PSMD1: variants seen among roughly 807,000 people sequenced by gnomAD.
The protein encoded by PSMD1 is proteasome 26S subunit, non-ATPase 1, also known as 26S proteasome non-ATPase regulatory subunit 1.
In PSMD1, 18 loss-of-function variants were observed where a neutral mutation model predicts 119.0. The observed-to-expected ratio is 0.15, with a 90% confidence interval of 0.10 to 0.22. The LOEUF (loss-of-function observed/expected upper bound fraction) is 0.22, where lower values mean the gene tolerates loss of function less well. Ranked by LOEUF, PSMD1 falls within the 10% of genes least tolerant of loss-of-function variation. The pLI is 1.00. For synonymous variants in PSMD1, 374 were observed against 396.6 expected, an observed-to-expected ratio of 0.94 and a Z score of 0.68; for missense variants, 702 against 1,158.5, an observed-to-expected ratio of 0.61 and a Z score of 5.72.
At chr2:231,104,839 T>C (rs890735159) in intron 16 of PSMD1, among the ~76,000 whole-genome samples, 3 of 152,158 alleles carry the variant, frequency 2.0e-5, no homozygotes, top group Admixed American at 6.5e-5. Context: ...GTCTGTCCTA[T>C]ATCCTAAGAC....
Position 231,067,120 on chromosome 2 carries a change from A to C in PSMD1, c.510+9A>C, listed in dbSNP as rs1415213447. ...AGACCATACTGGAGTCGGTAGGTAG[A>C]TGATGTTATTTTAGAAATTATTGTT... On this transcript the variant is annotated intron_variant, in intron 5 of 24. Coordinates refer to ENST00000308696, the MANE Select transcript of PSMD1 (RefSeq NM_002807.4). 4 of 1,551,782 alleles carry C rather than the reference A, an allele frequency of 2.6e-6. No individual in the cohort carries two copies. Among genetic ancestry groups the C allele is most frequent in the Non-Finnish European group, 3.5e-6 (4 of 1,152,094 alleles).
intron 1 of PSMD1, among the ~76,000 whole-genome samples, chr2:231,057,490 A>G (rs1307632419): frequency 6.6e-6 from 1 of 152,190 alleles, no homozygotes; most frequent in African/African-American, 2.4e-5. Context: ...GTGTTTCTGG[A>G]CGTGGCCGAG....
intron 16 of PSMD1, among the ~76,000 whole-genome samples, chr2:231,116,337 A>G (rs868800894): frequency 1.6e-4 from 24 of 152,168 alleles, no homozygotes; most frequent in African/African-American, 5.5e-4. Context: ...TAGAGCTATA[A>G]TCAGAGATAT....
intron 17 of PSMD1, among the ~76,000 whole-genome samples, chr2:231,141,928 G>T (rs1046344417): frequency 2.6e-5 from 4 of 151,938 alleles, no homozygotes; most frequent in Non-Finnish European, 5.9e-5. Flanking sequence ...TGTCACCCAG[G>T]CTGGACTGCA....
intron 10 of PSMD1, 78 bp downstream of exon 10, chr2:231,078,825 T>TA: frequency 9.4e-7 from 1 of 1,065,856 alleles, no homozygotes; most frequent in Non-Finnish European, 1.3e-6. Flanking sequence ...TGTGCAGTCT[T>TA]ACTCTGTGGC....
At chr2:231,139,337 T>C (rs1204148868) in intron 17 of PSMD1, among the ~76,000 whole-genome samples, 1 of 111,690 alleles carries the variant, frequency 9.0e-6, no homozygotes, top group Admixed American at 8.5e-5. Flanking sequence ...TTTTTTTTTT[T>C]CTTTTGAGTC....
intron 16 of PSMD1, among the ~76,000 whole-genome samples, chr2:231,112,889 G>A (rs1418066460): frequency 2.6e-5 from 4 of 152,168 alleles, no homozygotes; most frequent in Non-Finnish European, 5.9e-5. Context: ...AAACACTTAA[G>A]TGCAGTGACT....
chr2:231,141,986 G>A (rs1696130834), intron 17 of PSMD1, among the ~76,000 whole-genome samples: 1 of 152,190 alleles, frequency 6.6e-6, no homozygotes, highest in South Asian at 2.1e-4. Context: ...GGGTTCAAAC[G>A]ATTCTCCTGC....
rs536161780 is a variant in PSMD1, at chr2:231,084,920, T to G, written c.1723-99T>G. 12 of 915,980 alleles carry G rather than the reference T, an allele frequency of 1.3e-5. No individual in the cohort carries two copies. The South Asian group carries it at 1.6e-4, about 12-fold the overall frequency. 56.7% of individuals were successfully genotyped at this position (915,980 alleles called of 1,614,324 possible). A position where few individuals can be genotyped will look rare whatever the true frequency, so the allele number is the denominator to read the frequency against. On this transcript the variant is annotated intron_variant, in intron 14 of 24. Transcript: ENST00000308696. ...GTTATTGAGCTCATCATTTCCTATC[T>G]GAGACCAGCTTACTTGGTGGATGCC...
intron 16 of PSMD1, among the ~76,000 whole-genome samples, chr2:231,137,570 C>A (rs1696004460): frequency 6.6e-6 from 1 of 151,734 alleles, no homozygotes; most frequent in African/African-American, 2.4e-5. Context: ...ATCTTAGATT[C>A]TGGGGGTACA....
rs774474692 is a variant in PSMD1 at position 231,123,749 on chromosome 2, TG to T, written c.1884-14986del. Reference sequence around the variant, plus strand: ...ATTGTGCTTTGAAGTTCAGACACTCTGTAAGAGAGAGCCATTTGCTGTTTTT... The same window carrying T: ...ATTGTGCTTTGAAGTTCAGACACTCTTAAGAGAGAGCCATTTGCTGTTTTT... On this transcript the variant is annotated intron_variant, in intron 16 of 24. Transcript: ENST00000308696. 2.5e-6 allele frequency: 4 copies of T among 1,613,654 alleles called. No homozygotes were observed. In the East Asian group the frequency reaches 8.9e-5, roughly 36 times the overall value.
chr2:231,085,944 TTAA>T (rs1419581806), intron 15 of PSMD1, among the ~76,000 whole-genome samples: 1 of 152,200 alleles, frequency 6.6e-6, no homozygotes, highest in Non-Finnish European at 1.5e-5. Context: ...ACAGTATTTA[TTAA>T]TAATTAATAA....
chr2:231,068,384 A>G (rs1281966265), intron 5 of PSMD1, among the ~76,000 whole-genome samples: 1 of 152,018 alleles, frequency 6.6e-6, no homozygotes, highest in African/African-American at 2.4e-5. Flanking sequence ...TGTGTGTAAG[A>G]TTACATTTTT....
intron 11 of PSMD1, among the ~76,000 whole-genome samples, chr2:231,079,830 TG>T (rs1694261918): frequency 6.6e-6 from 1 of 152,210 alleles, no homozygotes; most frequent in Non-Finnish European, 1.5e-5. Flanking sequence ...ATAAAGACTG[TG>T]TAAGCCATTG....
intron 19 of PSMD1, among the ~76,000 whole-genome samples, chr2:231,158,098 G>A (rs1020539884): frequency 3.3e-5 from 5 of 151,908 alleles, no homozygotes; most frequent in Non-Finnish European, 5.9e-5. Flanking sequence ...ATCATTTGAG[G>A]TCAGGAGTTT....
intron 16 of PSMD1, among the ~76,000 whole-genome samples, chr2:231,093,815 A>G (rs1458217277): frequency 1.3e-5 from 2 of 151,846 alleles, no homozygotes; most frequent in African/African-American, 2.4e-5. Context: ...GGTATGTTCT[A>G]CTGTCCTTGG....
chr2:231,075,767 A>G (rs1245872487), intron 8 of PSMD1, among the ~76,000 whole-genome samples, 196 bp downstream of exon 8: 2 of 152,080 alleles, frequency 1.3e-5, no homozygotes, highest in Non-Finnish European at 2.9e-5. Context: ...TATTTTTTGT[A>G]GAGACAGGGT....
intron 5 of PSMD1, among the ~76,000 whole-genome samples, chr2:231,069,047 C>G (rs1693974238): frequency 6.6e-6 from 1 of 152,156 alleles, no homozygotes; most frequent in Admixed American, 6.5e-5. Context: ...ACATAGTCCT[C>G]TCAGATAAAG....
chr2:231,118,632 G>A (rs1412924470), intron 16 of PSMD1, among the ~76,000 whole-genome samples: 1 of 152,066 alleles, frequency 6.6e-6, no homozygotes, highest in Admixed American at 6.6e-5. Context: ...AACCTGAGGA[G>A]TTTTACTAGA....
Sources: gnomAD v4.1 joint callset for allele counts (sites outside exome capture counted in the v4.1 genomes callset) on GRCh38, gnomAD v4.1.1 for gene constraint, MANE v1.5 for transcripts, NCBI Gene and HGNC (gene_info 2026-07-23, HGNC 2026-07-21) for gene names.